Variants in STIMATE observed in about 807,000 individuals in gnomAD.
STIMATE encodes the protein store-operated calcium entry regulator STIMATE.
Under a neutral mutation model 36.7 loss-of-function variants are expected in STIMATE, and 15 were observed. That is an observed-to-expected ratio of 0.41 (90% CI 0.27 to 0.63). STIMATE has a LOEUF of 0.63. Ranked by LOEUF, STIMATE falls within the 20% of genes least tolerant of loss-of-function variation. The probability of loss-of-function intolerance (pLI) is 0.32; values close to 1 mark genes in which losing one functional copy is unlikely to be tolerated. For missense variants in STIMATE, 305 were observed against 397.3 expected (o/e 0.77, Z 1.98); for synonymous variants, 163 against 162.3 (o/e 1.00, Z -0.03).
chr3:52,847,200 C>T, intron 4 of STIMATE: 1 of 1,080,378 alleles, frequency 9.3e-7, no homozygotes, highest in Non-Finnish European at 1.1e-6. Context: ...GTGTGAGCCA[C>T]TGCACCTGGA....
At position 52,840,272 on chromosome 3, in the gene STIMATE, T is replaced by A. The variant is rs6445538; in HGVS notation, c.*222A>T. On this transcript the variant is annotated 3_prime_UTR_variant, in exon 8 of 8. Coordinates refer to ENST00000355083, the MANE Select transcript of STIMATE (RefSeq NM_198563.5). Reference sequence around the variant, plus strand: ...ATTTGGTCAGTGTTTGTAGTGCAACTGAATGGGGACCTCCAGCCGCCAGTG... The same window carrying A: ...ATTTGGTCAGTGTTTGTAGTGCAACAGAATGGGGACCTCCAGCCGCCAGTG... 2.0e-6 allele frequency: 1 copy of A among 493,302 alleles called. No homozygotes were observed. Among genetic ancestry groups the A allele is most frequent in the Non-Finnish European group, 3.6e-6 (1 of 275,406 alleles). The allele number at this position is 493,302 out of a possible 1,614,324, so 30.6% of individuals were successfully genotyped here.
intron 4 of STIMATE, among the ~76,000 whole-genome samples, chr3:52,849,564 C>T (rs1270546225): frequency 6.6e-6 from 1 of 152,176 alleles, no homozygotes; most frequent in Non-Finnish European, 1.5e-5. Flanking sequence ...TGTCTCCTGC[C>T]TCCTGCCACC....
At chr3:52,887,812 C>T (rs1701714112) in intron 1 of STIMATE, among the ~76,000 whole-genome samples, 1 of 152,096 alleles carries the variant, frequency 6.6e-6, no homozygotes, top group South Asian at 2.1e-4. Flanking sequence ...AACATTCCAA[C>T]CCAGCTCATG....
chr3:52,849,926 G>C lies in STIMATE; in HGVS notation c.306-13C>G. 6.2e-7 allele frequency: 1 copy of C among 1,611,092 alleles called. No homozygotes were observed. On this transcript the variant is annotated splice_polypyrimidine_tract_variant and intron_variant, in intron 3 of 7. Transcript: ENST00000355083. ...GTTGATGAGGTACCTGTGAGGACAG[G>C]GCACATGCATGGTCACGGCAGAAGC...
In STIMATE at chr3:52,840,439, C is replaced by A; in HGVS notation, c.*55G>T. 1 of 1,590,606 alleles carries A rather than the reference C, an allele frequency of 6.3e-7. No homozygotes were observed. The highest frequency in any genetic ancestry group is 1.3e-5 in the African/African-American group (1 of 74,640). On this transcript the variant is annotated 3_prime_UTR_variant, in exon 8 of 8. Transcript: ENST00000355083. ...GTAAGGAACGATGCTGCGGGATGAC[C>A]TCTGCACACCAGCGGCTGGCGGGGC...
At chr3:52,843,017 C>T (rs545966313) in intron 6 of STIMATE, 57 bp from the exon 7 acceptor site, 161 of 1,609,600 alleles carry the variant, frequency 1.0e-4, no homozygotes, top group African/African-American at 2.3e-4. Context: ...AAAGCAAAGC[C>T]GAACAGCCCC....
At chr3:52,894,361 G>A (rs563745890) in intron 1 of STIMATE, among the ~76,000 whole-genome samples, 1 of 152,246 alleles carries the variant, frequency 6.6e-6, no homozygotes, top group East Asian at 1.9e-4. Flanking sequence ...CTTGAATAAT[G>A]GGCTACCATG....
intron 4 of STIMATE, among the ~76,000 whole-genome samples, chr3:52,846,085 T>A (rs1028961343): frequency 4.6e-5 from 7 of 152,242 alleles, no homozygotes; most frequent in African/African-American, 1.4e-4. Context: ...GCCCATGCCC[T>A]GCCCAAGCCT....
intron 1 of STIMATE, among the ~76,000 whole-genome samples, 191 bp downstream of exon 1, chr3:52,897,100 T>C (rs867873637): frequency 7.9e-5 from 12 of 152,148 alleles, no homozygotes; most frequent in African/African-American, 2.9e-4. Context: ...GGGTCACTCC[T>C]GTCTGGAGGC....
At chr3:52,850,484 A>T (rs1223120546) in intron 3 of STIMATE, among the ~76,000 whole-genome samples, 1 of 152,140 alleles carries the variant, frequency 6.6e-6, no homozygotes, top group Non-Finnish European at 1.5e-5. Flanking sequence ...GCGAAGGTTC[A>T]ATGGAAGACA....
At chr3:52,845,956 G>T (rs571752702) in intron 4 of STIMATE, among the ~76,000 whole-genome samples, 1 of 151,682 alleles carries the variant, frequency 6.6e-6, no homozygotes, top group African/African-American at 2.4e-5. Flanking sequence ...CGGGAGGCTG[G>T]GGGGTAAAGG....
chr3:52,843,695 G>A (rs761248725), intron 6 of STIMATE, 26 bp downstream of exon 6: 3 of 1,614,092 alleles, frequency 1.9e-6, no homozygotes, highest in Non-Finnish European at 2.5e-6. Flanking sequence ...GAGCAAATCG[G>A]GATAAAAATG....
At chr3:52,847,826 A>G (rs1700933463) in intron 4 of STIMATE, among the ~76,000 whole-genome samples, 1 of 152,186 alleles carries the variant, frequency 6.6e-6, no homozygotes, top group African/African-American at 2.4e-5. Context: ...GGTGGGGCCA[A>G]TGTAATCACA....
chr3:52,855,244 GAATTT>G (rs747957033), intron 2 of STIMATE, 147 bp downstream of exon 2: 4 of 1,051,516 alleles, frequency 3.8e-6, no homozygotes, highest in Non-Finnish European at 5.4e-6. Context: ...AGTTCCTAAT[GAATTT>G]AATTCAGGGA....
chr3:52,853,647 G>A, intron 2 of STIMATE, among the ~76,000 whole-genome samples: 1 of 26,726 alleles, frequency 3.7e-5, no homozygotes, highest in Admixed American at 8.6e-4. Context: ...GAGCCCCAAA[G>A]CTAGGTCTCC....
At position 52,866,371 on chromosome 3, in the gene STIMATE, CGCCT is replaced by C. The variant is rs1349312018; in HGVS notation, c.161-10931_161-10928del. ...ACCTGCGGGGCTTGCCACCGTCTAC[CGCCT>C]TGAGGGGCCTGGCAGGGCTCCCAGT... On this transcript the variant is annotated intron_variant, in intron 1 of 7. Transcript: ENST00000355083. 1.9e-4 allele frequency among the ~76,000 whole-genome samples: 29 copies of C among 152,244 alleles called. 2 individuals are homozygous for C. The highest frequency in any genetic ancestry group is 2.9e-5 in the Non-Finnish European group (2 of 68,048).
chr3:52,857,853 C>G (rs1174286088), intron 1 of STIMATE, among the ~76,000 whole-genome samples: 1 of 152,054 alleles, frequency 6.6e-6, no homozygotes, highest in Non-Finnish European at 1.5e-5. Flanking sequence ...GAAGTCCAAA[C>G]CCACAGCACC....
chr3:52,845,825 A>C (rs962021557), intron 4 of STIMATE, among the ~76,000 whole-genome samples: 3 of 151,628 alleles, frequency 2.0e-5, no homozygotes, highest in African/African-American at 7.3e-5. Flanking sequence ...TGGGAGACCC[A>C]GGGGAGAGTG....
chr3:52,874,134 A>G (rs1384688105), intron 1 of STIMATE, among the ~76,000 whole-genome samples: 1 of 152,270 alleles, frequency 6.6e-6, no homozygotes, highest in Non-Finnish European at 1.5e-5. Flanking sequence ...ATTGTCTTTA[A>G]GAGTGGAAGA....
Sources: allele counts gnomAD v4.1 joint callset (sites outside exome capture counted in the v4.1 genomes callset), GRCh38; gene constraint gnomAD v4.1.1; transcripts MANE v1.5; gene names NCBI Gene and HGNC (gene_info 2026-07-23, HGNC 2026-07-21).